The following SGCZ variants were observed in gnomAD, a reference collection of about 807,000 sequenced individuals.
SGCZ encodes the protein sarcoglycan zeta, also known as zeta-sarcoglycan.
SGCZ carries 40 observed loss-of-function variants against 41.3 expected under a neutral mutation model. The observed-to-expected ratio is 0.97, with a 90% confidence interval of 0.75 to 1.26. The LOEUF is 1.26. SGCZ is among the 50% of genes most tolerant of loss of function. The pLI, the probability that SGCZ is intolerant of heterozygous loss-of-function variation, is 0.00. For synonymous variants in SGCZ, 206 were observed against 137.5 expected (o/e 1.50, Z -3.49); for missense variants, 552 against 369.8 (o/e 1.49, Z -4.04).
At chr8:14,519,190 T>C (rs919406444) in intron 2 of SGCZ, among the ~76,000 whole-genome samples, 4 of 151,888 alleles carry the variant, frequency 2.6e-5, no homozygotes, top group African/African-American at 9.7e-5. Context: ...ACAGTGCAGG[T>C]AGGAATAGAA....
chr8:14,100,131 T>A (rs1391266106), intron 7 of SGCZ, among the ~76,000 whole-genome samples: 1 of 152,032 alleles, frequency 6.6e-6, no homozygotes, highest in Non-Finnish European at 1.5e-5. Flanking sequence ...ATAGGAAAAA[T>A]ACATGCTGTT....
intron 2 of SGCZ, among the ~76,000 whole-genome samples, chr8:14,392,831 G>C (rs1804823185): frequency 7.0e-6 from 1 of 143,574 alleles, no homozygotes; most frequent in African/African-American, 2.7e-5. Flanking sequence ...AATTCTAAGT[G>C]AGATTTGCAC....
chr8:14,693,528 C>T (rs1424976764), intron 1 of SGCZ, among the ~76,000 whole-genome samples: 1 of 149,998 alleles, frequency 6.7e-6, no homozygotes, highest in East Asian at 2.0e-4. Context: ...AGGTGATCCA[C>T]TCCCCTCGGC....
intron 1 of SGCZ, among the ~76,000 whole-genome samples, chr8:14,698,805 T>G (rs1809044410): frequency 6.6e-6 from 1 of 151,786 alleles, no homozygotes; most frequent in South Asian, 2.1e-4. Flanking sequence ...TGAGACACAA[T>G]CAGGGACAGA....
At chr8:15,081,143 C>T (rs1010371636) in intron 1 of SGCZ, among the ~76,000 whole-genome samples, 5 of 152,156 alleles carry the variant, frequency 3.3e-5, no homozygotes, top group Non-Finnish European at 5.9e-5. Context: ...ATATAGTATG[C>T]TTCTCAAAAG....
intron 2 of SGCZ, among the ~76,000 whole-genome samples, chr8:14,474,376 T>C (rs1801299735): frequency 6.6e-6 from 1 of 152,232 alleles, no homozygotes; most frequent in African/African-American, 2.4e-5. Flanking sequence ...CTTCTAAATC[T>C]ACAGAAACAC....
At chr8:14,713,306 T>C (rs924537194) in intron 1 of SGCZ, among the ~76,000 whole-genome samples, 1 of 152,186 alleles carries the variant, frequency 6.6e-6, no homozygotes, top group Non-Finnish European at 1.5e-5. Context: ...TTTTCAGATA[T>C]TTTCATCCAT....
At chr8:14,550,089 C>A (rs1242609064) in intron 2 of SGCZ, among the ~76,000 whole-genome samples, 4 of 151,854 alleles carry the variant, frequency 2.6e-5, no homozygotes, top group Non-Finnish European at 5.9e-5. Context: ...CCAACACCGA[C>A]ATACAAGAAA....
intron 1 of SGCZ, among the ~76,000 whole-genome samples, chr8:14,703,750 A>G (rs1809243436): frequency 1.3e-5 from 2 of 151,966 alleles, no homozygotes; most frequent in African/African-American, 4.8e-5. Flanking sequence ...TGGTCTCTTA[A>G]TAACACTAAG....
At chr8:15,067,050 T>C (rs898027833) in intron 1 of SGCZ, among the ~76,000 whole-genome samples, 1 of 152,234 alleles carries the variant, frequency 6.6e-6, no homozygotes, top group African/African-American at 2.4e-5. Context: ...TACGCGGTCA[T>C]ACACATCACA....
chr8:14,241,355 G>A (rs187334025), intron 3 of SGCZ, among the ~76,000 whole-genome samples: 17 of 150,562 alleles, frequency 1.1e-4, no homozygotes, highest in Admixed American at 3.3e-4. Context: ...TTTAAGTTAT[G>A]TAAAAGTAAG....
chr8:14,632,834 G>C (rs1806704371), intron 1 of SGCZ, among the ~76,000 whole-genome samples: 1 of 151,958 alleles, frequency 6.6e-6, no homozygotes, highest in Non-Finnish European at 1.5e-5. Context: ...ATTCTGCATA[G>C]AGGAAATAGA....
chr8:14,150,568 G>A (rs1053041381), intron 5 of SGCZ, among the ~76,000 whole-genome samples: 29 of 152,112 alleles, frequency 1.9e-4, no homozygotes, highest in Non-Finnish European at 2.1e-4. Flanking sequence ...GTATACTATT[G>A]GAGGGAATGT....
At chr8:14,525,006 G>C (rs1250858446) in intron 2 of SGCZ, among the ~76,000 whole-genome samples, 3 of 152,038 alleles carry the variant, frequency 2.0e-5, no homozygotes, top group Non-Finnish European at 4.4e-5. Flanking sequence ...ATTCTGACTA[G>C]AGGTTTTGTC....
rs34647526 is a variant in SGCZ at position 14,946,005 on chromosome 8, CATATATATATAT to C, written c.39+291568_39+291579del. ...AGCCAATTCCCCTACTAAATGTCCC[CATATATATATAT>C]ATATATATATATATATATATATATA... On this transcript the variant is annotated intron_variant, in intron 1 of 7. Transcript: ENST00000382080. 8.0e-3 allele frequency among the ~76,000 whole-genome samples: 119 copies of C among 14,878 alleles called. 4 individuals are homozygous for C. Among genetic ancestry groups the C allele is most frequent in the African/African-American group, 0.011 (47 of 4,324 alleles). 9.8% of individuals were successfully genotyped at this position (14,878 alleles called of 152,430 possible). A position where few individuals can be genotyped will look rare whatever the true frequency, so the allele number is the denominator to read the frequency against.
intron 3 of SGCZ, among the ~76,000 whole-genome samples, chr8:14,294,324 T>C (rs1277674256): frequency 2.6e-5 from 4 of 151,922 alleles, no homozygotes; most frequent in East Asian, 1.9e-4. Context: ...CTAAAACTCC[T>C]ATGTAATCTA....
At chr8:14,978,349 T>C (rs1038193527) in intron 1 of SGCZ, among the ~76,000 whole-genome samples, 5 of 129,454 alleles carry the variant, frequency 3.9e-5, no homozygotes, top group Non-Finnish European at 6.3e-5. Flanking sequence ...TGGGTACCTG[T>C]ATTCCCAGCT....
At chr8:14,968,562 A>G (rs1801192245) in intron 1 of SGCZ, among the ~76,000 whole-genome samples, 2 of 152,242 alleles carry the variant, frequency 1.3e-5, no homozygotes, top group East Asian at 1.9e-4. Context: ...TAGATCACTC[A>G]ATGTATAATT....
Position 15,040,318 on chromosome 8 carries a change from T to C in SGCZ, c.39+197267A>G, listed in dbSNP as rs185078573. Reference sequence around the variant, plus strand: ...AGTCTTAAATGTCCTATGGTCTTTTTAAAAAGTGATTTCGTTGGCCGCGAG... The same window carrying C: ...AGTCTTAAATGTCCTATGGTCTTTTCAAAAAGTGATTTCGTTGGCCGCGAG... On this transcript the variant is annotated intron_variant, in intron 1 of 7. Transcript: ENST00000382080. Among the ~76,000 whole-genome samples the C allele has an allele frequency of 2.8e-3, 422 of 152,300 alleles. 2 individuals are homozygous for C. The highest frequency in any genetic ancestry group is 9.1e-3 in the African/African-American group (377 of 41,574).
Sources: gnomAD v4.1 joint callset for allele counts (sites outside exome capture counted in the v4.1 genomes callset) on GRCh38, gnomAD v4.1.1 for gene constraint, MANE v1.5 for transcripts, NCBI Gene and HGNC (gene_info 2026-07-23, HGNC 2026-07-21) for gene names.